The following ARID1B variants were observed in gnomAD, a reference collection of about 807,000 sequenced individuals.
ARID1B encodes AT-rich interaction domain 1B.
Under a neutral mutation model 212.3 loss-of-function variants are expected in ARID1B, and 30 were observed. The ratio of observed to expected loss-of-function variants is 0.14; its 90% CI spans 0.11 to 0.19. ARID1B has a LOEUF of 0.19. Among genes scored for constraint, ARID1B ranks in the 10% least tolerant of loss-of-function variants. ARID1B has a pLI of 1.00. For missense variants in ARID1B, 2,891 were observed against 3,204.0 expected (o/e 0.90, Z 2.36); for synonymous variants, 1,402 against 1,301.7 (o/e 1.08, Z -1.66).
In ARID1B at chr6:157,190,507, T is replaced by C. The variant is rs1293566995; in HGVS notation, c.4231+297T>C. Among the ~76,000 whole-genome samples the C allele has an allele frequency of 6.6e-6, 1 of 152,162 alleles. No homozygotes were observed. The highest frequency in any genetic ancestry group is 1.5e-5 in the Non-Finnish European group (1 of 68,026). Reference sequence around the variant, plus strand: ...CAAGTTACGTTCCTCATCTAGAAATTGGGAAAATAATAGGACCCGCTTCCA... The same window carrying C: ...CAAGTTACGTTCCTCATCTAGAAATCGGGAAAATAATAGGACCCGCTTCCA... On this transcript the variant is annotated intron_variant, in intron 15 of 19. Coordinates refer to ENST00000636930, the MANE Select transcript of ARID1B (RefSeq NM_001374828.1). This position sits in a 1 kb window ranked among gnomAD's most constrained non-coding sequence, Gnocchi z 4.6.
intron 1 of ARID1B, among the ~76,000 whole-genome samples, chr6:156,824,466 T>TA (rs1264109914): frequency 3.3e-5 from 5 of 152,156 alleles, no homozygotes; most frequent in African/African-American, 7.2e-5. Context: ...GGATAGATGT[T>TA]AAAAAAACAT....
intron 2 of ARID1B, among the ~76,000 whole-genome samples, chr6:156,882,771 A>G (rs897010700): frequency 3.3e-5 from 5 of 152,168 alleles, no homozygotes; most frequent in Non-Finnish European, 5.9e-5. Context: ...ACGTCTTGCT[A>G]TTGTCGTGAG....
At chr6:156,783,149 A>G (rs542018171) in intron 1 of ARID1B, among the ~76,000 whole-genome samples, 1 of 152,086 alleles carries the variant, frequency 6.6e-6, no homozygotes, top group South Asian at 2.1e-4. Flanking sequence ...ATATTTAGTC[A>G]TGAATTTTTG....
At chr6:156,800,678 G>A (rs1158634006) in intron 1 of ARID1B, among the ~76,000 whole-genome samples, 1 of 152,074 alleles carries the variant, frequency 6.6e-6, no homozygotes, top group Non-Finnish European at 1.5e-5. Flanking sequence ...AGGCTGAGGC[G>A]GGAGCATCAC....
chr6:156,950,309 A>G (rs146418118), intron 4 of ARID1B, among the ~76,000 whole-genome samples: 143 of 152,372 alleles, frequency 9.4e-4, no homozygotes, highest in Middle Eastern at 3.4e-3. Flanking sequence ...CAAACACCAT[A>G]TAACCGTAAT....
rs140147995 is a variant in ARID1B, at chr6:156,923,678, TG to T, written c.2137-11786del. ...ACACTGTCCTCAGCATCATGGCCAC[TG>T]GATAAAGTTCTATTAGTTGATTCTC... On this transcript the variant is annotated intron_variant, in intron 3 of 19. Coordinates refer to ENST00000636930, the MANE Select transcript of ARID1B (RefSeq NM_001374828.1). 2.3e-3 allele frequency among the ~76,000 whole-genome samples: 347 copies of T among 152,050 alleles called. 1 individual carries two copies. Among genetic ancestry groups the T allele is most frequent in the African/African-American group, 7.4e-3 (309 of 41,502 alleles).
chr6:156,897,267 A>C (rs12211339), intron 2 of ARID1B, among the ~76,000 whole-genome samples: 16,298 of 66,624 alleles, frequency 0.24, 1,168 homozygotes, highest in East Asian at 0.48. Context: ...TCTTCTTCTT[A>C]TTATTATTAT....
chr6:157,054,014 C>T (rs1485178085), intron 4 of ARID1B, among the ~76,000 whole-genome samples: 1 of 152,128 alleles, frequency 6.6e-6, no homozygotes, highest in African/African-American at 2.4e-5. Context: ...CACCTGAGGT[C>T]GGGAGTTCGA....
chr6:156,961,770 G>A (rs138442681), intron 4 of ARID1B, among the ~76,000 whole-genome samples: 1 of 152,180 alleles, frequency 6.6e-6, no homozygotes, highest in African/African-American at 2.4e-5. Context: ...GGAGCAACTC[G>A]TGTCTGATCT....
chr6:157,115,552 G>A lies in ARID1B; in HGVS notation c.2581+4991G>A, dbSNP rs557558405. Among the ~76,000 whole-genome samples, 267 of 152,080 alleles carry A rather than the reference G, an allele frequency of 1.8e-3. 1 individual carries two copies. Among genetic ancestry groups the A allele is most frequent in the African/African-American group, 5.4e-3 (224 of 41,484 alleles). ...CGCCATTCTCCTGCCTCAGCCTCCC[G>A]AGTAGCTGGGACTACAGGTGCCCGC... On this transcript the variant is annotated intron_variant, in intron 6 of 19. Coordinates refer to ENST00000636930, the MANE Select transcript of ARID1B (RefSeq NM_001374828.1).
intron 4 of ARID1B, among the ~76,000 whole-genome samples, chr6:157,069,223 C>G (rs1462506226): frequency 6.6e-6 from 1 of 152,128 alleles, no homozygotes; most frequent in Non-Finnish European, 1.5e-5. Flanking sequence ...TTAGCTGTCA[C>G]AAGTCTAAAT....
At chr6:156,782,850 A>G (rs573298756) in intron 1 of ARID1B, among the ~76,000 whole-genome samples, 20 of 152,292 alleles carry the variant, frequency 1.3e-4, no homozygotes, top group Admixed American at 7.8e-4. Flanking sequence ...AAACAGGAAA[A>G]GAAAATATAA....
At chr6:157,030,861 T>C (rs1780976368) in intron 4 of ARID1B, among the ~76,000 whole-genome samples, 1 of 152,238 alleles carries the variant, frequency 6.6e-6, no homozygotes, top group Non-Finnish European at 1.5e-5. Context: ...TTTTAGTTCA[T>C]TTCCAATACA....
rs889854531 is a variant in ARID1B at position 157,135,995 on chromosome 6, G to A, written c.2761+2788G>A. Reference sequence around the variant, plus strand: ...AAGAAGTTTCAAATATTTCACAGCCGTTTTACTCATATTTTATATGAGAAG... The same window carrying A: ...AAGAAGTTTCAAATATTTCACAGCCATTTTACTCATATTTTATATGAGAAG... On this transcript the variant is annotated intron_variant, in intron 7 of 19. Transcript: ENST00000636930. Among the ~76,000 whole-genome samples, 4 of 152,192 alleles carry A rather than the reference G, an allele frequency of 2.6e-5. No homozygotes were observed. In the East Asian group the frequency reaches 7.7e-4, roughly 29 times the overall value.
intron 6 of ARID1B, among the ~76,000 whole-genome samples, chr6:157,120,898 T>C (rs1787664678): frequency 6.6e-6 from 1 of 152,228 alleles, no homozygotes; most frequent in Non-Finnish European, 1.5e-5. Context: ...AATTTTTCTG[T>C]AATTGATTTT....
intron 3 of ARID1B, among the ~76,000 whole-genome samples, chr6:156,919,115 A>G (rs1790585249): frequency 6.6e-6 from 1 of 152,184 alleles, no homozygotes; most frequent in Non-Finnish European, 1.5e-5. Context: ...GGTTTTCTTA[A>G]TTGCTGTAGA....
Position 157,203,646 on chromosome 6 carries a change from G to A in ARID1B, c.5264-220G>A. 3.4e-6 allele frequency: 2 copies of A among 583,460 alleles called. No individual in the cohort carries two copies. The highest frequency in any genetic ancestry group is 6.0e-5 in the East Asian group (2 of 33,426). 36.1% of individuals were successfully genotyped at this position (583,460 alleles called of 1,614,324 possible). ...CCAGAAGCACTTTCGGCCCCTGCGT[G>A]ACCAACAAAGCGAGATCTGAAACCA... On this transcript the variant is annotated intron_variant, in intron 18 of 19. Coordinates refer to ENST00000636930, the MANE Select transcript of ARID1B (RefSeq NM_001374828.1). The surrounding 1 kb of genome is among the most constrained non-coding windows in gnomAD (Gnocchi z 4.4).
At chr6:156,911,209 G>A (rs1448284790) in intron 3 of ARID1B, among the ~76,000 whole-genome samples, 14 of 152,088 alleles carry the variant, frequency 9.2e-5, no homozygotes. Flanking sequence ...GCAAAACAAA[G>A]TATAATCTTC....
At chr6:156,860,038 G>A (rs1785217220) in intron 2 of ARID1B, among the ~76,000 whole-genome samples, 1 of 152,162 alleles carries the variant, frequency 6.6e-6, no homozygotes, top group South Asian at 2.1e-4. Context: ...TGTTCAGAAT[G>A]GAATCTTCCT....
Sources: allele counts gnomAD v4.1 joint callset (sites outside exome capture counted in the v4.1 genomes callset), GRCh38; gene constraint gnomAD v4.1.1; non-coding constraint Gnocchi (gnomAD v3.1); transcripts MANE v1.5; gene names NCBI Gene and HGNC (gene_info 2026-07-23, HGNC 2026-07-21).